The following KRTAP17-1 variants were observed in gnomAD, a reference collection of about 807,000 sequenced individuals.
The protein encoded by KRTAP17-1 is keratin-associated protein 17-1.
Under a neutral mutation model 10.4 loss-of-function variants are expected in KRTAP17-1, and 2 were observed. The observed-to-expected ratio is 0.19, with a 90% CI of 0.08 to 0.61. The LOEUF is 0.61. Ranked by LOEUF, KRTAP17-1 falls within the 20% of genes least tolerant of loss-of-function variation. The pLI is 0.89. For missense variants in KRTAP17-1, 143 were observed against 136.8 expected (o/e 1.05, Z -0.23); for synonymous variants, 62 against 52.7 (o/e 1.18, Z -0.77).
In KRTAP17-1 at chr17:41,315,186, G is replaced by A; in HGVS notation, c.*147C>T. The A allele has an allele frequency of 1.4e-6, 1 of 731,088 alleles. No homozygotes were observed. The highest frequency in any genetic ancestry group is 2.2e-6 in the Non-Finnish European group (1 of 450,910). 45.3% of individuals were successfully genotyped at this position (731,088 alleles called of 1,614,324 possible). On this transcript the variant is annotated 3_prime_UTR_variant, in exon 1 of 1. Coordinates refer to ENST00000334202, the MANE Select transcript of KRTAP17-1 (RefSeq NM_031964.2). ...TCGGTGCCTTGAAATACCAGAGAAG[G>A]TGTTGGAGAACAAGCCCTCCTCTAC...
chr17:41,315,664 C>A lies in KRTAP17-1; in HGVS notation c.-14G>T. Reference sequence around the variant, plus strand: ...GCAGCACCCCATGGTCCGGGCCCGTCAGCTCGCAGGTCGGTAACGCAGCCG... The same window carrying A: ...GCAGCACCCCATGGTCCGGGCCCGTAAGCTCGCAGGTCGGTAACGCAGCCG... On this transcript the variant is annotated 5_prime_UTR_variant, in exon 1 of 1. Coordinates refer to ENST00000334202, the MANE Select transcript of KRTAP17-1 (RefSeq NM_031964.2). 1 of 1,579,230 alleles carries A rather than the reference C, an allele frequency of 6.3e-7. No individual in the cohort carries two copies. Among genetic ancestry groups the A allele is most frequent in the Non-Finnish European group, 8.6e-7 (1 of 1,159,112 alleles).
rs1334124595 is a variant in KRTAP17-1, at chr17:41,315,503, C to G, written c.148G>C (p.Gly50Arg). ...GSGCGGSGCG[G>R]SCCGSSCCGS... ...CAGCAAGACGATCCGCAGCAGCTGC[C>G]CCCGCAGCCAGAGCCCCCGCAGCCA... Residue 50 changes from glycine (G) to arginine (R), a missense_variant, in exon 1 of 1, where the codon GGC becomes CGC. Physicochemically the swap from Gly to Arg is moderately radical, Grantham distance 125. Coordinates refer to ENST00000334202, the MANE Select transcript of KRTAP17-1 (RefSeq NM_031964.2). 9.3e-7 allele frequency: 1 copy of G among 1,074,060 alleles called. No homozygotes were observed. The allele number at this position is 1,074,060 out of a possible 1,614,324, so 66.5% of individuals were successfully genotyped here.
chr17:41,315,514 G>T lies in KRTAP17-1; in HGVS notation c.137C>A (p.Ser46Tyr). The T allele has an allele frequency of 9.3e-7, 1 of 1,075,710 alleles. No individual in the cohort carries two copies. The highest frequency in any genetic ancestry group is 1.3e-6 in the Non-Finnish European group (1 of 792,220). The allele number at this position is 1,075,710 out of a possible 1,614,324, so 66.6% of individuals were successfully genotyped here. A position where few individuals can be genotyped will look rare whatever the true frequency, so the allele number is the denominator to read the frequency against. The change falls in exon 1 of 1, where the codon TCT becomes TAT. Residue 46 changes from serine (S) to tyrosine (Y), a missense_variant. Transcript: ENST00000334202. ...CGCGGSGCGG[S>Y]GCGGSCCGSS... is the part of the protein sequence containing the mutation. ...TCCGCAGCAGCTGCCCCCGCAGCCA[G>T]AGCCCCCGCAGCCAGAGCCCCCACA...
chr17:41,315,211 C>T lies in KRTAP17-1; in HGVS notation c.*122G>A. On this transcript the variant is annotated 3_prime_UTR_variant, in exon 1 of 1. Transcript: ENST00000334202. ...GTGTTGGAGAACAAGCCCTCCTCTA[C>T]AAATCACAGAAAGACAAGACACTGT... 1 of 981,038 alleles carries T rather than the reference C, an allele frequency of 1.0e-6. No individual in the cohort carries two copies. The highest frequency in any genetic ancestry group is 1.6e-5 in the South Asian group (1 of 61,752). The allele number at this position is 981,038 out of a possible 1,614,324, so 60.8% of individuals were successfully genotyped here.
rs771290042 is a variant in KRTAP17-1, at chr17:41,315,688, C to A, written c.-38G>T. On this transcript the variant is annotated 5_prime_UTR_variant, in exon 1 of 1. Coordinates refer to ENST00000334202, the MANE Select transcript of KRTAP17-1 (RefSeq NM_031964.2). ...TCAGCTCGCAGGTCGGTAACGCAGC[C>A]GGAGTTCCCCACGACTGACGGTGGC... is the stretch of plus-strand genomic sequence containing the variant. 1.9e-6 allele frequency: 3 copies of A among 1,548,414 alleles called. No homozygotes were observed. The highest frequency in any genetic ancestry group is 1.8e-6 in the Non-Finnish European group (2 of 1,142,018).
rs770006954 is a variant in KRTAP17-1 at position 41,315,403 on chromosome 17, G to T, written c.248C>A (p.Ser83Tyr). The T allele has an allele frequency of 1.4e-5, 22 of 1,612,508 alleles. No individual in the cohort carries two copies. The highest frequency in any genetic ancestry group is 1.6e-4 in the Middle Eastern group (1 of 6,070). ...ACAGCACCCGGAGCCGCAGCAACTGGACCCACAGCAACTGGATCCACAGCA... is the reference window on the plus strand; with the variant it reads ...ACAGCACCCGGAGCCGCAGCAACTGTACCCACAGCAACTGGATCCACAGCA... Reference protein sequence around the residue: ...GGCCGSSCCGSSCCGSGCCGP... With the variant: ...GGCCGSSCCGYSCCGSGCCGP... The change falls in exon 1 of 1, where the codon TCC becomes TAC. Residue 83 changes from serine to tyrosine, a missense_variant. Ser to Tyr is a moderately radical substitution (Grantham distance 144). Coordinates refer to ENST00000334202, the MANE Select transcript of KRTAP17-1 (RefSeq NM_031964.2).
Position 41,315,424 on chromosome 17 carries a change from C to T in KRTAP17-1, c.227G>A (p.Cys76Tyr). ...ACTGGACCCACAGCAACTGGATCCA[C>T]AGCAGCCACCCCCGCAGCCTCCGCA... ...GGCGGCGGGC[C>Y]GSSCCGSSCC... Residue 76 changes from cysteine (C) to tyrosine (Y), a missense_variant, in exon 1 of 1, where the codon TGT becomes TAT. By Grantham distance (194) the Cys-to-Tyr change is radical. Transcript: ENST00000334202. 3 of 1,611,186 alleles carry T rather than the reference C, an allele frequency of 1.9e-6. No homozygotes were observed. The highest frequency in any genetic ancestry group is 2.5e-6 in the Non-Finnish European group (3 of 1,179,126).
chr17:41,315,154 C>T lies in KRTAP17-1; in HGVS notation c.*179G>A. 1.6e-6 allele frequency: 1 copy of T among 632,046 alleles called. No individual in the cohort carries two copies. The highest frequency in any genetic ancestry group is 2.7e-6 in the Non-Finnish European group (1 of 367,444). 39.2% of individuals were successfully genotyped at this position (632,046 alleles called of 1,614,324 possible). On this transcript the variant is annotated 3_prime_UTR_variant, in exon 1 of 1. Transcript: ENST00000334202. ...TTTAATGTTTCATCAGAGTATGGCT[C>T]TTGTTCTCGGTGCCTTGAAATACCA...
In KRTAP17-1 at chr17:41,315,516, GCCCCC is replaced by G. The variant is rs1305283925; in HGVS notation, c.130_134del (p.Gly44LeufsTer103). The G allele has an allele frequency of 6.5e-7, 1 of 1,541,438 alleles. No homozygotes were observed. Among genetic ancestry groups the G allele is most frequent in the East Asian group, 2.4e-5 (1 of 41,398 alleles). ...CGCAGCAGCTGCCCCCGCAGCCAGA[GCCCCC>G]GCAGCCAGAGCCCCCACAGCCACAG... On this transcript the variant is annotated frameshift_variant, in exon 1 of 1. Transcript: ENST00000334202. LOFTEE classifies it high-confidence loss of function.
chr17:41,315,529 G>C lies in KRTAP17-1; in HGVS notation c.122C>G (p.Ser41Cys), dbSNP rs62640394. 11 of 1,418,894 alleles carry C rather than the reference G, an allele frequency of 7.8e-6. No individual in the cohort carries two copies. Among genetic ancestry groups the C allele is most frequent in the African/African-American group, 3.2e-5 (2 of 62,330 alleles). 87.9% of individuals were successfully genotyped at this position (1,418,894 alleles called of 1,614,324 possible). ...CCGSCCGCGG[S>C]GCGGSGCGGS... is the part of the protein sequence containing the mutation. ...CCCGCAGCCAGAGCCCCCGCAGCCA[G>C]AGCCCCCACAGCCACAGCAGGAGCC... The change falls in exon 1 of 1, where the codon TCT (serine) becomes TGT (cysteine). Residue 41 changes from serine (S) to cysteine (C), a missense_variant. Physicochemically the swap from Ser to Cys is moderately radical, Grantham distance 112 (BLOSUM62 -1). Transcript: ENST00000334202.
rs2017046227 is a variant in KRTAP17-1, at chr17:41,315,438, G to A, written c.213C>T (p.Cys71=). Residue 71 remains cysteine (C), a synonymous_variant, in exon 1 of 1, where the codon TGC becomes TGT. Coordinates refer to ENST00000334202, the MANE Select transcript of KRTAP17-1 (RefSeq NM_031964.2). ...AACTGGATCCACAGCAGCCACCCCCGCAGCCTCCGCAGCCTCCACAGCCTC... is the reference window on the plus strand; with the variant it reads ...AACTGGATCCACAGCAGCCACCCCCACAGCCTCCGCAGCCTCCACAGCCTC... The part of the protein sequence containing the change: ...GCGGCGGCGG[C]GGGCCGSSCC... 6.2e-7 allele frequency: 1 copy of A among 1,603,210 alleles called. No individual in the cohort carries two copies. Among genetic ancestry groups the A allele is most frequent in the African/African-American group, 1.3e-5 (1 of 74,720 alleles).
chr17:41,315,110 C>G lies in KRTAP17-1; in HGVS notation c.*223G>C. ...GGGGATTCACCCTTGAGCTTGGGAT[C>G]ACTTAGTTGTGACCGAGTTTTAATG... On this transcript the variant is annotated 3_prime_UTR_variant, in exon 1 of 1. Transcript: ENST00000334202. The G allele has an allele frequency of 1.8e-6, 1 of 561,732 alleles. No homozygotes were observed. The highest frequency in any genetic ancestry group is 2.9e-5 in the East Asian group (1 of 35,016). The allele number at this position is 561,732 out of a possible 1,614,324, so 34.8% of individuals were successfully genotyped here.
Position 41,315,148 on chromosome 17 carries a change from A to G in KRTAP17-1, c.*185T>C. 1 of 617,956 alleles carries G rather than the reference A, an allele frequency of 1.6e-6. No homozygotes were observed. The highest frequency in any genetic ancestry group is 2.8e-6 in the Non-Finnish European group (1 of 355,108). 38.3% of individuals were successfully genotyped at this position (617,956 alleles called of 1,614,324 possible). On this transcript the variant is annotated 3_prime_UTR_variant, in exon 1 of 1. Transcript: ENST00000334202. ...CCGAGTTTTAATGTTTCATCAGAGT[A>G]TGGCTCTTGTTCTCGGTGCCTTGAA...
At position 41,315,447 on chromosome 17, in the gene KRTAP17-1, GCAGCCTCCA is replaced by G. The variant is rs1411345937; in HGVS notation, c.195_203del (p.Cys71_Gly73del). The G allele has an allele frequency of 1.9e-6, 3 of 1,604,324 alleles. No homozygotes were observed. Among genetic ancestry groups the G allele is most frequent in the Middle Eastern group, 3.3e-4 (2 of 6,034 alleles). On this transcript the variant is annotated inframe_deletion, in exon 1 of 1. Coordinates refer to ENST00000334202, the MANE Select transcript of KRTAP17-1 (RefSeq NM_031964.2). ...CACAGCAGCCACCCCCGCAGCCTCC[GCAGCCTCCA>G]CAGCCTCCGCAGCCAGATCCACAGC...
Position 41,315,367 on chromosome 17 carries a change from C to T in KRTAP17-1, c.284G>A (p.Cys95Tyr). 6.2e-7 allele frequency: 1 copy of T among 1,611,216 alleles called. No homozygotes were observed. The highest frequency in any genetic ancestry group is 8.5e-7 in the Non-Finnish European group (1 of 1,179,890). ...CCGSGCCGPV[C>Y]CQPTPICDTK ...GTCGCATATAGGTGTGGGCTGGCAG[C>T]ACACAGGCCCACAGCACCCGGAGCC... The change falls in exon 1 of 1, where the codon TGC becomes TAC. Residue 95 changes from cysteine to tyrosine, a missense_variant. Cys to Tyr is a radical substitution (Grantham distance 194). Transcript: ENST00000334202.
rs751427675 is a variant in KRTAP17-1 at position 41,315,583 on chromosome 17, C to A, written c.68G>T (p.Cys23Phe). 1 of 1,613,818 alleles carries A rather than the reference C, an allele frequency of 6.2e-7. No individual in the cohort carries two copies. Among genetic ancestry groups the A allele is most frequent in the Non-Finnish European group, 8.5e-7 (1 of 1,179,852 alleles). Residue 23 changes from cysteine to phenylalanine, a missense_variant, in exon 1 of 1, where the codon TGC becomes TTC. By Grantham distance (205) the Cys-to-Phe change is radical. Coordinates refer to ENST00000334202, the MANE Select transcript of KRTAP17-1 (RefSeq NM_031964.2). ...GCAGCCACAGCAGCCCGGCTGACAG[C>A]AGCACTCTTCACAGCAGTTTTGCTC... Reference protein sequence around the residue: ...TQEQNCCEECCCQPGCCGCCG... With the variant: ...TQEQNCCEECFCQPGCCGCCG...
Position 41,315,491 on chromosome 17 carries a change from C to G in KRTAP17-1, c.160G>C (p.Gly54Arg). 2 of 1,597,650 alleles carry G rather than the reference C, an allele frequency of 1.3e-6. No individual in the cohort carries two copies. The highest frequency in any genetic ancestry group is 1.7e-6 in the Non-Finnish European group (2 of 1,171,578). ...CAGCCAGATCCACAGCAAGACGATC[C>G]GCAGCAGCTGCCCCCGCAGCCAGAG... is the stretch of plus-strand genomic sequence containing the variant. ...GGSGCGGSCC[G>R]SSCCGSGCGG... is the part of the protein sequence containing the mutation. The change falls in exon 1 of 1, where the codon GGA (glycine) becomes CGA (arginine). Residue 54 changes from glycine (G) to arginine (R), a missense_variant. Coordinates refer to ENST00000334202, the MANE Select transcript of KRTAP17-1 (RefSeq NM_031964.2).
Position 41,315,640 on chromosome 17 carries a change from C to A in KRTAP17-1, c.11G>T (p.Cys4Phe). MGC[C>F]PGDCFTCCTQ... Reference sequence around the variant, plus strand: ...GCAGCAGGTGAAGCAGTCCCCCGGGCAGCACCCCATGGTCCGGGCCCGTCA... The same window carrying A: ...GCAGCAGGTGAAGCAGTCCCCCGGGAAGCACCCCATGGTCCGGGCCCGTCA... Residue 4 changes from cysteine (C) to phenylalanine (F), a missense_variant, in exon 1 of 1, where the codon TGC becomes TTC. Coordinates refer to ENST00000334202, the MANE Select transcript of KRTAP17-1 (RefSeq NM_031964.2). The A allele has an allele frequency of 1.9e-6, 3 of 1,604,380 alleles. No homozygotes were observed. In the East Asian group the frequency reaches 6.7e-5, roughly 36 times the overall value.
Position 41,314,972 on chromosome 17 carries a change from TGCA to T in KRTAP17-1, c.*358_*360del. On this transcript the variant is annotated 3_prime_UTR_variant, in exon 1 of 1. Coordinates refer to ENST00000334202, the MANE Select transcript of KRTAP17-1 (RefSeq NM_031964.2). The stretch of plus-strand genomic sequence containing the variant: ...GCTCACAAAGAAGATGGACCTTTTT[TGCA>T]TCTCAAAGCTGCAGAAAGCCAGGGC... 1 of 207,238 alleles carries T rather than the reference TGCA, an allele frequency of 4.8e-6. No individual in the cohort carries two copies. The highest frequency in any genetic ancestry group is 9.6e-6 in the Non-Finnish European group (1 of 103,740). 12.8% of individuals were successfully genotyped at this position (207,238 alleles called of 1,614,324 possible).
Sources: gnomAD v4.1 joint callset for allele counts on GRCh38, gnomAD v4.1.1 for gene constraint, MANE v1.5 for transcripts, NCBI Gene and HGNC (gene_info 2026-07-23, HGNC 2026-07-21) for gene names.